The following SUPT3H variants were observed in gnomAD, a reference collection of about 807,000 sequenced individuals.
SUPT3H encodes transcription initiation protein SPT3 homolog.
Under a neutral mutation model 44.3 loss-of-function variants are expected in SUPT3H, and 44 were observed. The ratio of observed to expected loss-of-function variants is 0.99; its 90% CI spans 0.78 to 1.28. The LOEUF (loss-of-function observed/expected upper bound fraction) is 1.28, where lower values mean the gene tolerates loss of function less well. Among genes scored for constraint, SUPT3H ranks in the 50% most tolerant of loss-of-function variants. SUPT3H has a pLI of 0.00. For missense variants in SUPT3H, 380 were observed against 387.1 expected (o/e 0.98, Z 0.15); for synonymous variants, 124 against 125.6 (o/e 0.99, Z 0.09).
At chr6:45,130,712 C>CTT (rs1194423160) in intron 2 of SUPT3H, among the ~76,000 whole-genome samples, 2,376 of 88,240 alleles carry the variant, frequency 0.027, 96 homozygotes, top group Non-Finnish European at 0.043. Context: ...AAAAAAACCA[C>CTT]TTTTTTTTTT....
chr6:44,969,644 C>T (rs1261938829), intron 6 of SUPT3H, among the ~76,000 whole-genome samples: 2 of 151,958 alleles, frequency 1.3e-5, no homozygotes, highest in Non-Finnish European at 2.9e-5. Context: ...CAAAGGAGAA[C>T]GTCATGCAAT....
At chr6:45,283,067 A>C (rs1778472557) in intron 2 of SUPT3H, among the ~76,000 whole-genome samples, 1 of 152,296 alleles carries the variant, frequency 6.6e-6, no homozygotes, top group South Asian at 2.1e-4. Flanking sequence ...GCCTGCCCTA[A>C]AAGAGCTCCT....
intron 10 of SUPT3H, among the ~76,000 whole-genome samples, chr6:44,884,112 T>G (rs556907039): frequency 6.6e-6 from 1 of 152,110 alleles, no homozygotes; most frequent in African/African-American, 2.4e-5. Context: ...ATCTATCCAT[T>G]TGACAAAGGG....
intron 6 of SUPT3H, among the ~76,000 whole-genome samples, chr6:44,969,057 G>T (rs891020751): frequency 1.3e-5 from 2 of 152,032 alleles, no homozygotes; most frequent in African/African-American, 2.4e-5. Context: ...GTCTTGCGTA[G>T]GTCCCACCTC....
chr6:45,130,700 AAAAAAAAAC>A (rs1304246805), intron 2 of SUPT3H, among the ~76,000 whole-genome samples: 6 of 134,694 alleles, frequency 4.5e-5, no homozygotes, highest in Non-Finnish European at 8.3e-5. Context: ...AAAAAAACAA[AAAAAAAAAC>A]CACTTTTTTT....
rs1008120236 is a variant in SUPT3H at position 45,111,505 on chromosome 6, G to A, written c.102-5499C>T. The stretch of plus-strand genomic sequence containing the variant: ...AAATCAGTCTAATTAGTACTAGAAG[G>A]TCATGGCATACATTCCCCCCTCCCT... On this transcript the variant is annotated intron_variant, in intron 2 of 10. Coordinates refer to ENST00000371459, the MANE Select transcript of SUPT3H (RefSeq NM_003599.4). Among the ~76,000 whole-genome samples the A allele has an allele frequency of 6.6e-5, 10 of 151,552 alleles. No individual in the cohort carries two copies. In the South Asian group the frequency reaches 1.5e-3, roughly 22 times the overall value.
chr6:44,981,828 C>A (rs1779125569), intron 6 of SUPT3H, among the ~76,000 whole-genome samples: 2 of 149,500 alleles, frequency 1.3e-5, no homozygotes, highest in Admixed American at 1.3e-4. Context: ...TGCCTGTAAT[C>A]TCAGCACTTT....
At chr6:45,216,804 A>T (rs1054564548) in intron 2 of SUPT3H, among the ~76,000 whole-genome samples, 1 of 152,212 alleles carries the variant, frequency 6.6e-6, no homozygotes, top group Non-Finnish European at 1.5e-5. Flanking sequence ...TATATATTTT[A>T]AAATTATTAT....
rs202046248 is a variant in SUPT3H, at chr6:45,328,619, T to C, written c.101+36582A>G. 1,255 of 1,608,926 alleles carry C rather than the reference T, an allele frequency of 7.8e-4. 4 individuals carry two copies. The highest frequency in any genetic ancestry group is 4.1e-3 in the South Asian group (375 of 90,712). On this transcript the variant is annotated intron_variant, in intron 2 of 10. Coordinates refer to ENST00000371459, the MANE Select transcript of SUPT3H (RefSeq NM_003599.4). ...TAAAGTCTATGTACTCCAGGCATAC[T>C]GTAAAACTAAAACAAGGTTTGGGTA... is the stretch of plus-strand genomic sequence containing the variant.
intron 10 of SUPT3H, among the ~76,000 whole-genome samples, chr6:44,885,068 C>T (rs1316146692): frequency 2.6e-5 from 4 of 152,136 alleles, no homozygotes; most frequent in African/African-American, 4.8e-5. Context: ...GGGGAAGGGG[C>T]ACCCGCCATT....
chr6:45,239,248 A>G (rs1236779955), intron 2 of SUPT3H, among the ~76,000 whole-genome samples: 3 of 152,240 alleles, frequency 2.0e-5, no homozygotes, highest in Non-Finnish European at 2.9e-5. Flanking sequence ...AGCAGTTAGG[A>G]GTAGAATGCA....
intron 3 of SUPT3H, among the ~76,000 whole-genome samples, chr6:45,070,859 T>C (rs1269856853): frequency 1.3e-5 from 2 of 152,004 alleles, no homozygotes; most frequent in Non-Finnish European, 2.9e-5. Context: ...GAGTTTATAT[T>C]ACTAAATTTA....
intron 7 of SUPT3H, among the ~76,000 whole-genome samples, chr6:44,954,864 G>T (rs910694300): frequency 5.9e-5 from 9 of 152,130 alleles, no homozygotes; most frequent in Admixed American, 5.2e-4. Context: ...TATGCTATAT[G>T]ACATAGTATA....
intron 3 of SUPT3H, among the ~76,000 whole-genome samples, chr6:45,055,014 T>TA (rs1053206035): frequency 2.6e-5 from 4 of 151,622 alleles, no homozygotes; most frequent in Non-Finnish European, 5.9e-5. Context: ...ACTATTAAAT[T>TA]AAAAAAAATT....
intron 6 of SUPT3H, among the ~76,000 whole-genome samples, chr6:44,984,097 G>C (rs540614283): frequency 4.6e-5 from 7 of 152,234 alleles, no homozygotes; most frequent in Admixed American, 1.3e-4. Context: ...GCCTCCTCTT[G>C]CCTCCATCTC....
chr6:45,118,561 C>T (rs1291679634), intron 2 of SUPT3H, among the ~76,000 whole-genome samples: 1 of 152,110 alleles, frequency 6.6e-6, no homozygotes, highest in Non-Finnish European at 1.5e-5. Context: ...ATCAAACTCC[C>T]TATGGACAGC....
At chr6:45,115,870 T>C (rs542652448) in intron 2 of SUPT3H, among the ~76,000 whole-genome samples, 4 of 152,150 alleles carry the variant, frequency 2.6e-5, no homozygotes, top group African/African-American at 4.8e-5. Flanking sequence ...CATGACTGAT[T>C]TTCTGTAGCC....
downstream of SUPT3H, among the ~76,000 whole-genome samples, chr6:44,821,922 C>A (rs1458109291): frequency 6.6e-6 from 1 of 152,076 alleles, no homozygotes; most frequent in Non-Finnish European, 1.5e-5. Context: ...ACTCACTGAT[C>A]CCTGCATTCT....
At chr6:44,829,924 G>A (rs1441510082) in intron 10 of SUPT3H, 67 bp from the exon 11 acceptor site, 91 of 1,415,914 alleles carry the variant, frequency 6.4e-5, no homozygotes, top group Non-Finnish European at 8.8e-5. Context: ...GAGGCAAAAA[G>A]CAAGCAGAGC....
Sources: gnomAD v4.1 joint callset for allele counts (sites outside exome capture counted in the v4.1 genomes callset) on GRCh38, gnomAD v4.1.1 for gene constraint, MANE v1.5 for transcripts, NCBI Gene and HGNC (gene_info 2026-07-23, HGNC 2026-07-21) for gene names.